Variants in DCC observed in about 807,000 individuals in gnomAD.
DCC encodes the protein DCC netrin 1 receptor.
In DCC, 58 loss-of-function variants were observed where a neutral mutation model predicts 172.5. The observed-to-expected ratio is 0.34, with a 90% CI of 0.27 to 0.42. DCC has a LOEUF of 0.42. Ranked by LOEUF, DCC falls within the 10% of genes least tolerant of loss-of-function variation. The pLI, the probability that DCC is intolerant of heterozygous loss-of-function variation, is 1.00. For missense variants in DCC, 1,740 were observed against 1,791.0 expected, an observed-to-expected ratio of 0.97 and a Z score of 0.51; for synonymous variants, 709 against 644.5, an observed-to-expected ratio of 1.10 and a Z score of -1.52.
chr18:52,945,931 A>T (rs2145535655), intron 5 of DCC, among the ~76,000 whole-genome samples: 1 of 152,308 alleles, frequency 6.6e-6, no homozygotes, highest in South Asian at 2.1e-4. Context: ...AGACATGGCA[A>T]CCTGGAACTT....
intron 27 of DCC, among the ~76,000 whole-genome samples, chr18:53,508,020 A>T (rs2046203757): frequency 1.3e-4 from 3 of 22,926 alleles, no homozygotes. Flanking sequence ...CAGCCTCCCG[A>T]GAGCTGGGAC....
In DCC at chr18:53,394,877, C is replaced by T. The variant is rs186352886; in HGVS notation, c.2689-2431C>T. ...AAGGCTCAGGCTGGGCTCAGTGGTT[C>T]ACATCTGTAATCCCAGCACTCTGGG... On this transcript the variant is annotated intron_variant, in intron 17 of 28. Coordinates refer to ENST00000442544, the MANE Select transcript of DCC (RefSeq NM_005215.4). Among the ~76,000 whole-genome samples, 779 of 152,224 alleles carry T rather than the reference C, an allele frequency of 5.1e-3. 4 individuals are homozygous for T. Among genetic ancestry groups the T allele is most frequent in the Middle Eastern group, 0.01 (3 of 294 alleles).
At chr18:52,382,825 T>A (rs1175550061) in intron 1 of DCC, among the ~76,000 whole-genome samples, 1 of 152,104 alleles carries the variant, frequency 6.6e-6, no homozygotes, top group African/African-American at 2.4e-5. Flanking sequence ...GTACCTGTAA[T>A]ACTCAGGTGC....
chr18:53,174,432 G>C (rs926304064), intron 8 of DCC, among the ~76,000 whole-genome samples: 113 of 150,306 alleles, frequency 7.5e-4, no homozygotes, highest in African/African-American at 2.7e-3. Flanking sequence ...CCGCTAGCAA[G>C]ACTAATAAAG....
At chr18:53,012,149 A>T (rs2041739419) in intron 5 of DCC, among the ~76,000 whole-genome samples, 1 of 151,982 alleles carries the variant, frequency 6.6e-6, no homozygotes, top group African/African-American at 2.4e-5. Flanking sequence ...TCCTGTAAAT[A>T]TATGTCTTCC....
chr18:52,357,417 C>A (rs1984417665), intron 1 of DCC, among the ~76,000 whole-genome samples: 1 of 152,124 alleles, frequency 6.6e-6, no homozygotes. Flanking sequence ...GTCAAAACTG[C>A]AACAATTTGA....
intron 8 of DCC, among the ~76,000 whole-genome samples, chr18:53,167,975 G>T (rs1044856106): frequency 6.6e-6 from 1 of 152,100 alleles, no homozygotes; most frequent in African/African-American, 2.4e-5. Flanking sequence ...ATCATCACTG[G>T]TCATTGAGAA....
intron 2 of DCC, among the ~76,000 whole-genome samples, chr18:52,762,752 G>A (rs1423086122): frequency 6.6e-6 from 1 of 152,086 alleles, no homozygotes; most frequent in African/African-American, 2.4e-5. Flanking sequence ...GAGCCCAGGA[G>A]TTTGAGGCTG....
intron 5 of DCC, among the ~76,000 whole-genome samples, chr18:53,019,026 GA>G (rs2041844997): frequency 6.6e-6 from 1 of 152,162 alleles, no homozygotes; most frequent in Admixed American, 6.5e-5. Flanking sequence ...CTTGGTGCCT[GA>G]ATTTTGTAGG....
chr18:53,151,671 A>G (rs2144379322), intron 7 of DCC, among the ~76,000 whole-genome samples: 1 of 152,242 alleles, frequency 6.6e-6, no homozygotes, highest in African/African-American at 2.4e-5. Context: ...ATTTAATGAG[A>G]TTTTATGGAG....
intron 5 of DCC, among the ~76,000 whole-genome samples, chr18:53,037,662 T>C (rs1303865284): frequency 1.3e-5 from 2 of 151,852 alleles, no homozygotes; most frequent in Admixed American, 1.3e-4. Flanking sequence ...GCAACAGAAA[T>C]AAGCTTTGAT....
chr18:53,229,095 T>C (rs1025321757), intron 12 of DCC, among the ~76,000 whole-genome samples: 1 of 152,172 alleles, frequency 6.6e-6, no homozygotes, highest in Non-Finnish European at 1.5e-5. Context: ...TTTCAAATTG[T>C]AGTCCAAATA....
At chr18:53,245,498 G>A (rs1259023896) in intron 12 of DCC, among the ~76,000 whole-genome samples, 2 of 152,034 alleles carry the variant, frequency 1.3e-5, no homozygotes, top group Non-Finnish European at 2.9e-5. Context: ...ACTGTTTCTA[G>A]CATATGAATA....
chr18:53,400,306 G>T (rs1174524489), intron 18 of DCC, among the ~76,000 whole-genome samples: 5 of 152,046 alleles, frequency 3.3e-5, no homozygotes, highest in Non-Finnish European at 5.9e-5. Context: ...ACCCAAGCAG[G>T]TGTCAGAAAG....
At chr18:52,587,669 A>G (rs1223527373) in intron 1 of DCC, among the ~76,000 whole-genome samples, 1 of 152,136 alleles carries the variant, frequency 6.6e-6, no homozygotes, top group Non-Finnish European at 1.5e-5. Flanking sequence ...CACTGCTCAA[A>G]GTTCTGCCCA....
chr18:53,324,864 A>G, intron 14 of DCC, among the ~76,000 whole-genome samples: 1 of 152,046 alleles, frequency 6.6e-6, no homozygotes, highest in East Asian at 1.9e-4. Flanking sequence ...TATTAGCCTT[A>G]TTTTATGGGA....
intron 2 of DCC, among the ~76,000 whole-genome samples, chr18:52,876,456 A>G (rs2039404207): frequency 6.6e-6 from 1 of 152,242 alleles, no homozygotes; most frequent in African/African-American, 2.4e-5. Context: ...TGATGGCTAC[A>G]TCATTCAACT....
At chr18:53,208,287 A>ATATATATG (rs1385437417) in intron 11 of DCC, among the ~76,000 whole-genome samples, 1 of 151,708 alleles carries the variant, frequency 6.6e-6, no homozygotes, top group Admixed American at 6.6e-5. Flanking sequence ...AATTAAATAA[A>ATATATATG]TATATATGTA....
At chr18:52,356,335 A>G (rs1457637634) in intron 1 of DCC, among the ~76,000 whole-genome samples, 2 of 152,100 alleles carry the variant, frequency 1.3e-5, no homozygotes, top group Non-Finnish European at 2.9e-5. Flanking sequence ...TAATGTTTTC[A>G]TCTTTTTTTT....
Sources: allele counts gnomAD v4.1 joint callset (sites outside exome capture counted in the v4.1 genomes callset), GRCh38; gene constraint gnomAD v4.1.1; transcripts MANE v1.5; gene names NCBI Gene and HGNC (gene_info 2026-07-23, HGNC 2026-07-21).